RANBP3L: variants seen among roughly 807,000 people sequenced by gnomAD.
RANBP3L encodes RAN binding protein 3 like.
A neutral mutation model predicts 67.2 loss-of-function variants in RANBP3L; 56 were observed. The observed-to-expected ratio is 0.83, with a 90% CI of 0.67 to 1.04. The LOEUF is 1.04. RANBP3L is among the 50% of genes least tolerant of loss of function. The probability of loss-of-function intolerance (pLI) is 0.00; values close to 1 mark genes in which losing one functional copy is unlikely to be tolerated. For missense variants in RANBP3L, 496 were observed against 535.5 expected (o/e 0.93, Z 0.73); for synonymous variants, 164 against 181.4 (o/e 0.90, Z 0.77).
chr5:36,298,879 G>A (rs1752418068), intron 1 of RANBP3L, among the ~76,000 whole-genome samples: 1 of 152,208 alleles, frequency 6.6e-6, no homozygotes, highest in African/African-American at 2.4e-5. Context: ...ATTATTTCCA[G>A]GCTTCTCTGG....
At chr5:36,294,736 TTA>T (rs375468190) in intron 1 of RANBP3L, among the ~76,000 whole-genome samples, 35 of 148,932 alleles carry the variant, frequency 2.4e-4, no homozygotes, top group African/African-American at 2.5e-4. Context: ...TTATTTGGTT[TTA>T]TATATATATA....
chr5:36,264,943 T>G lies in RANBP3L; in HGVS notation c.480+16A>C. ...TGAGGGATTGAGGTCAGTTCCGTTA[T>G]CCTGGGCTTTCTCACCTTATTATTT... On this transcript the variant is annotated intron_variant, in intron 6 of 13. Transcript: ENST00000296604. 1 of 1,609,156 alleles carries G rather than the reference T, an allele frequency of 6.2e-7. No homozygotes were observed. The highest frequency in any genetic ancestry group is 8.5e-7 in the Non-Finnish European group (1 of 1,178,172).
rs780442373 is a variant in RANBP3L at position 36,257,058 on chromosome 5, AAT to A, written c.784_785del (p.Ile262Ter). The A allele has an allele frequency of 6.2e-7, 1 of 1,612,140 alleles. No homozygotes were observed. The highest frequency in any genetic ancestry group is 1.7e-5 in the Admixed American group (1 of 59,896). ...CTGATTCAATTAGGGAAGTATTTTTAATAGAGTCTGTTCCTAAGAGAAAATGG... is the reference window on the plus strand; with the variant it reads ...CTGATTCAATTAGGGAAGTATTTTTAAGAGTCTGTTCCTAAGAGAAAATGG... ...VNFLSSRTDS[I>X]KNTSLIESAA... On this transcript the variant is annotated frameshift_variant, in exon 10 of 14. Transcript: ENST00000296604. LOFTEE classifies it high-confidence loss of function.
At chr5:36,292,527 G>A (rs1263977416) in intron 1 of RANBP3L, among the ~76,000 whole-genome samples, 1 of 152,140 alleles carries the variant, frequency 6.6e-6, no homozygotes, top group Non-Finnish European at 1.5e-5. Flanking sequence ...GGTTTTTATG[G>A]TTTTAGGTCT....
intron 3 of RANBP3L, 67 bp from the exon 4 acceptor site, chr5:36,269,534 G>T: frequency 2.1e-6 from 2 of 931,636 alleles, no homozygotes; most frequent in African/African-American, 1.6e-5. Context: ...CTCATGATAG[G>T]GTAGGATAAA....
In RANBP3L at chr5:36,282,534, A is replaced by G. The variant is rs192778529; in HGVS notation, c.92-11223T>C. 4.4e-3 allele frequency among the ~76,000 whole-genome samples: 668 copies of G among 152,328 alleles called. 6 individuals carry two copies. Among genetic ancestry groups the G allele is most frequent in the Non-Finnish European group, 5.9e-3 (399 of 68,024 alleles). Reference sequence around the variant, plus strand: ...AAATTTCTTCATGGATTCCAAGGACACAGGCCGGATGGAGAAGCTTGATTC... The same window carrying G: ...AAATTTCTTCATGGATTCCAAGGACGCAGGCCGGATGGAGAAGCTTGATTC... On this transcript the variant is annotated intron_variant, in intron 1 of 13. Coordinates refer to ENST00000296604, the MANE Select transcript of RANBP3L (RefSeq NM_145000.5).
chr5:36,264,586 G>A lies in RANBP3L; in HGVS notation c.480+373C>T, dbSNP rs565140813. ...CTCTGGTATGACCTAAACTGGCAAC[G>A]ATACACTGTGATGTTGACCAGTTGG... On this transcript the variant is annotated intron_variant, in intron 6 of 13. Transcript: ENST00000296604. Among the ~76,000 whole-genome samples, 8 of 152,250 alleles carry A rather than the reference G, an allele frequency of 5.3e-5. No homozygotes were observed. The South Asian group carries it at 1.7e-3, about 32-fold the overall frequency.
intron 1 of RANBP3L, among the ~76,000 whole-genome samples, chr5:36,285,580 G>T (rs1751263916): frequency 6.6e-6 from 1 of 152,126 alleles, no homozygotes; most frequent in African/African-American, 2.4e-5. Context: ...GCTGCTTTTG[G>T]TTATCACAGT....
At chr5:36,264,875 A>G (rs1749645221) in intron 6 of RANBP3L, 84 bp downstream of exon 6, 3 of 1,220,840 alleles carry the variant, frequency 2.5e-6, no homozygotes, top group Non-Finnish European at 3.5e-6. Context: ...GACAACTCCT[A>G]TTTCTGGATA....
At chr5:36,266,185 A>G (rs1019024573) in intron 4 of RANBP3L, among the ~76,000 whole-genome samples, 17 of 152,156 alleles carry the variant, frequency 1.1e-4, no homozygotes, top group Admixed American at 1.1e-3. Flanking sequence ...TAGCTCTTAT[A>G]GAATATTATA....
chr5:36,271,730 A>G (rs937701696), intron 1 of RANBP3L, among the ~76,000 whole-genome samples: 6 of 152,322 alleles, frequency 3.9e-5, no homozygotes, highest in African/African-American at 1.4e-4. Context: ...AATGATATGT[A>G]TGCATTGCAT....
At position 36,271,306 on chromosome 5, in the gene RANBP3L, AT is replaced by A; in HGVS notation, c.96del (p.Lys32AsnfsTer59). 6.3e-7 allele frequency: 1 copy of A among 1,579,902 alleles called. No individual in the cohort carries two copies. Among genetic ancestry groups the A allele is most frequent in the Non-Finnish European group, 8.7e-7 (1 of 1,151,420 alleles). On this transcript the variant is annotated frameshift_variant, in exon 2 of 14. Coordinates refer to ENST00000296604, the MANE Select transcript of RANBP3L (RefSeq NM_145000.5). LOFTEE classifies it high-confidence loss of function. The stretch of plus-strand genomic sequence containing the variant: ...ACAAATATGGGTTGAGCAATGACAG[AT>A]TTTTCTGTGAAAAAAAAGAAAACAG... Reference protein sequence around the residue: ...KLQEDRRQQEKSVIAQPIFVF... With the variant: ...KLQEDRRQQEXSVIAQPIFVF...
chr5:36,260,360 CAAAA>C (rs1276517049), intron 8 of RANBP3L, among the ~76,000 whole-genome samples: 1 of 79,022 alleles, frequency 1.3e-5, no homozygotes. Flanking sequence ...GACTCTGTCT[CAAAA>C]AAAAAAAAAA....
rs540851355 is a variant in RANBP3L, at chr5:36,260,547, A to G, written c.669+233T>C. 3.8e-4 allele frequency among the ~76,000 whole-genome samples: 58 copies of G among 152,250 alleles called. No individual in the cohort carries two copies. The South Asian group carries it at 4.8e-3, about 13-fold the overall frequency. ...GTCAAAGAACTATTTAATATTTCAC[A>G]TCAGTAATAATGTTATAATTATACA... On this transcript the variant is annotated intron_variant, in intron 8 of 13. Coordinates refer to ENST00000296604, the MANE Select transcript of RANBP3L (RefSeq NM_145000.5).
chr5:36,255,314 T>C (rs1484019347), intron 11 of RANBP3L, among the ~76,000 whole-genome samples, 156 bp downstream of exon 11: 2 of 152,132 alleles, frequency 1.3e-5, no homozygotes, highest in African/African-American at 2.4e-5. Flanking sequence ...GAGAGCCTAC[T>C]TGAAATGGGA....
intron 1 of RANBP3L, among the ~76,000 whole-genome samples, chr5:36,287,955 A>G (rs1751443954): frequency 6.6e-6 from 1 of 152,200 alleles, no homozygotes; most frequent in Non-Finnish European, 1.5e-5. Flanking sequence ...TCTCTTCACT[A>G]TTCTGTGGAA....
chr5:36,289,429 C>CA (rs1394535717), intron 1 of RANBP3L, among the ~76,000 whole-genome samples: 3 of 152,018 alleles, frequency 2.0e-5, no homozygotes, highest in Non-Finnish European at 4.4e-5. Context: ...AATTTCAAAA[C>CA]AAAAAATCTG....
chr5:36,283,822 A>G (rs897743024), intron 1 of RANBP3L, among the ~76,000 whole-genome samples: 1 of 152,202 alleles, frequency 6.6e-6, no homozygotes, highest in Admixed American at 6.5e-5. Context: ...TAGTTGCTGC[A>G]GGTTTGAAAG....
At chr5:36,284,574 T>C (rs1751196375) in intron 1 of RANBP3L, among the ~76,000 whole-genome samples, 1 of 152,226 alleles carries the variant, frequency 6.6e-6, no homozygotes, top group Non-Finnish European at 1.5e-5. Flanking sequence ...TAATTTGAGG[T>C]TTTGCATACT....
Sources: allele counts gnomAD v4.1 joint callset (sites outside exome capture counted in the v4.1 genomes callset), GRCh38; gene constraint gnomAD v4.1.1; transcripts MANE v1.5; gene names NCBI Gene and HGNC (gene_info 2026-07-23, HGNC 2026-07-21).